The following PDZRN3 variants were observed in gnomAD, a reference collection of about 807,000 sequenced individuals.
PDZRN3 encodes the protein E3 ubiquitin-protein ligase PDZRN3.
Under a neutral mutation model 85.7 loss-of-function variants are expected in PDZRN3, and 38 were observed. The observed-to-expected ratio is 0.44, with a 90% CI of 0.34 to 0.58. PDZRN3 has a LOEUF of 0.58. Among genes scored for constraint, PDZRN3 ranks in the 20% least tolerant of loss-of-function variants. The pLI is 0.01. For synonymous variants in PDZRN3, 759 were observed against 638.0 expected, an observed-to-expected ratio of 1.19 and a Z score of -2.86; for missense variants, 1,629 against 1,506.4, an observed-to-expected ratio of 1.08 and a Z score of -1.35.
chr3:73,490,551 A>C (rs1703750909), intron 3 of PDZRN3, among the ~76,000 whole-genome samples: 1 of 152,234 alleles, frequency 6.6e-6, no homozygotes, highest in Admixed American at 6.5e-5. Flanking sequence ...ATTTGTACCA[A>C]AGATCAAAGG....
rs147402865 is a variant in PDZRN3 at position 73,492,139 on chromosome 3, C to G, written c.919-87744G>C. 1.8e-4 allele frequency among the ~76,000 whole-genome samples: 28 copies of G among 152,314 alleles called. No individual in the cohort carries two copies. The East Asian group carries it at 3.9e-3, about 21-fold the overall frequency. On this transcript the variant is annotated intron_variant, in intron 3 of 9. Coordinates refer to ENST00000263666, the MANE Select transcript of PDZRN3 (RefSeq NM_015009.3). ...ATTCTCTAACTGTAGAATCCCTTTC[C>G]TGAGCATATCAGGCCCCCAAACCAA...
chr3:73,399,965 TC>T (rs1455755545), intron 5 of PDZRN3, among the ~76,000 whole-genome samples: 5 of 152,224 alleles, frequency 3.3e-5, no homozygotes, highest in African/African-American at 1.2e-4. Flanking sequence ...ATAGCTGTTT[TC>T]TACTATTTGA....
rs141078357 is a variant in PDZRN3 at position 73,512,043 on chromosome 3, ATTG to A, written c.918+90308_918+90310del. On this transcript the variant is annotated intron_variant, in intron 3 of 9. Transcript: ENST00000263666. Reference sequence around the variant, plus strand: ...CGCTCCTTTGGTAAGCAAGTTTGTTATTGTTGTTAATTCCATGACAAATGTAAC... The same window carrying A: ...CGCTCCTTTGGTAAGCAAGTTTGTTATTGTTAATTCCATGACAAATGTAAC... 5.5e-3 allele frequency among the ~76,000 whole-genome samples: 843 copies of A among 152,354 alleles called. 9 individuals carry two copies. The highest frequency in any genetic ancestry group is 0.019 in the African/African-American group (778 of 41,578).
intron 3 of PDZRN3, among the ~76,000 whole-genome samples, chr3:73,520,423 G>A (rs981354982): frequency 2.6e-5 from 4 of 152,150 alleles, no homozygotes; most frequent in African/African-American, 7.2e-5. Context: ...AGGAACGCTT[G>A]AGCCCGGGAA....
intron 3 of PDZRN3, among the ~76,000 whole-genome samples, chr3:73,500,544 GTGT>G (rs1703957347): frequency 6.6e-6 from 1 of 152,076 alleles, no homozygotes; most frequent in African/African-American, 2.4e-5. Flanking sequence ...CTCTATATAA[GTGT>G]TGTTGCCAGA....
chr3:73,623,626 T>A (rs948892657), intron 1 of PDZRN3: 1 of 152,758 alleles, frequency 6.5e-6, no homozygotes, highest in Non-Finnish European at 1.5e-5. Flanking sequence ...GGGTTCCCTT[T>A]ATTTTTTTTT....
At chr3:73,563,634 C>T (rs1701883995) in intron 3 of PDZRN3, among the ~76,000 whole-genome samples, 1 of 152,056 alleles carries the variant, frequency 6.6e-6, no homozygotes, top group Non-Finnish European at 1.5e-5. Context: ...TTTTTAAATG[C>T]CTGAATTTTC....
intron 5 of PDZRN3, among the ~76,000 whole-genome samples, chr3:73,397,780 G>T: frequency 6.6e-6 from 1 of 152,224 alleles, no homozygotes; most frequent in East Asian, 1.9e-4. Flanking sequence ...ACTTAGGTAA[G>T]AGAAATGACC....
At chr3:73,498,308 C>G (rs552370427) in intron 3 of PDZRN3, among the ~76,000 whole-genome samples, 2 of 152,284 alleles carry the variant, frequency 1.3e-5, no homozygotes, top group South Asian at 4.1e-4. Context: ...GCCTTCCCAG[C>G]TGGGATAAGT....
chr3:73,611,428 T>C (rs1315092895), intron 1 of PDZRN3, among the ~76,000 whole-genome samples: 2 of 152,238 alleles, frequency 1.3e-5, no homozygotes, highest in African/African-American at 4.8e-5. Context: ...ACAACTAAGC[T>C]GACCTTCTAT....
intron 3 of PDZRN3, among the ~76,000 whole-genome samples, chr3:73,423,767 T>C (rs1229297638): frequency 6.6e-6 from 1 of 152,236 alleles, no homozygotes; most frequent in African/African-American, 2.4e-5. Context: ...TTAGTATTTC[T>C]GATTTACTTT....
At chr3:73,563,478 A>G (rs188100740) in intron 3 of PDZRN3, among the ~76,000 whole-genome samples, 2 of 152,342 alleles carry the variant, frequency 1.3e-5, no homozygotes, top group Non-Finnish European at 2.9e-5. Flanking sequence ...TATTTTTTAA[A>G]AAGTTGCCTG....
At chr3:73,588,839 T>C (rs1030811204) in intron 3 of PDZRN3, among the ~76,000 whole-genome samples, 2 of 152,134 alleles carry the variant, frequency 1.3e-5, no homozygotes, top group East Asian at 3.8e-4. Context: ...ACTGAGCAGG[T>C]GGTGTATGAC....
intron 3 of PDZRN3, among the ~76,000 whole-genome samples, chr3:73,447,852 C>T (rs1702781776): frequency 6.6e-6 from 1 of 152,214 alleles, no homozygotes; most frequent in Admixed American, 6.5e-5. Context: ...TACACTCCTT[C>T]TTAACTCTTC....
intron 1 of PDZRN3, among the ~76,000 whole-genome samples, chr3:73,609,493 G>A (rs1167038670): frequency 6.6e-6 from 1 of 152,126 alleles, no homozygotes; most frequent in African/African-American, 2.4e-5. Context: ...AAACTGTCAC[G>A]TAATATTCTT....
chr3:73,582,396 A>T (rs991184737), intron 3 of PDZRN3, among the ~76,000 whole-genome samples: 1 of 151,948 alleles, frequency 6.6e-6, no homozygotes, highest in South Asian at 2.1e-4. Flanking sequence ...CTCAGAAACC[A>T]CTCCACTCAC....
intron 3 of PDZRN3, among the ~76,000 whole-genome samples, chr3:73,514,731 A>G (rs1450659281): frequency 1.3e-5 from 2 of 152,192 alleles, no homozygotes; most frequent in Admixed American, 6.5e-5. Context: ...GCAATGAACT[A>G]AGCTTGCTGG....
intron 3 of PDZRN3, among the ~76,000 whole-genome samples, chr3:73,483,751 G>A (rs1703611344): frequency 6.6e-6 from 1 of 152,200 alleles, no homozygotes; most frequent in Admixed American, 6.5e-5. Flanking sequence ...TGAATGCAAA[G>A]GCGTGGCAGC....
intron 3 of PDZRN3, among the ~76,000 whole-genome samples, chr3:73,454,911 C>G (rs542091426): frequency 6.7e-6 from 1 of 149,268 alleles, no homozygotes. Context: ...TTTTTAATTG[C>G]GATCTTGGTT....
Sources: allele counts gnomAD v4.1 joint callset (sites outside exome capture counted in the v4.1 genomes callset), GRCh38; gene constraint gnomAD v4.1.1; transcripts MANE v1.5; gene names NCBI Gene and HGNC (gene_info 2026-07-23, HGNC 2026-07-21).